The following TRAPPC11 variants were observed in gnomAD, a reference collection of about 807,000 sequenced individuals.
The protein encoded by TRAPPC11 is foie gras homolog.
A neutral mutation model predicts 151.2 loss-of-function variants in TRAPPC11; 104 were observed. The ratio of observed to expected loss-of-function variants is 0.69; its 90% CI spans 0.59 to 0.81. The LOEUF (loss-of-function observed/expected upper bound fraction) is 0.81. Ranked by LOEUF, TRAPPC11 falls within the 30% of genes least tolerant of loss-of-function variation. The probability of loss-of-function intolerance (pLI) is 0.00; values close to 1 mark genes in which losing one functional copy is unlikely to be tolerated. For synonymous variants in TRAPPC11, 456 were observed against 472.3 expected, an observed-to-expected ratio of 0.97 and a Z score of 0.45; for missense variants, 1,230 against 1,349.6, an observed-to-expected ratio of 0.91 and a Z score of 1.39.
chr4:183,671,863 G>A (rs1735173486), intron 5 of TRAPPC11, among the ~76,000 whole-genome samples: 1 of 152,204 alleles, frequency 6.6e-6, no homozygotes, highest in South Asian at 2.1e-4. Flanking sequence ...AAATATACAT[G>A]TGTTCTAATA....
At chr4:183,678,986 A>G (rs60017398) in intron 8 of TRAPPC11, among the ~76,000 whole-genome samples, 14,304 of 152,246 alleles carry the variant, frequency 0.094, 816 homozygotes, top group East Asian at 0.14. Flanking sequence ...TAGCTTTATG[A>G]CAAGTCTAAA....
chr4:183,682,687 A>T lies in TRAPPC11; in HGVS notation c.1114-45A>T, dbSNP rs549314324. On this transcript the variant is annotated intron_variant, in intron 10 of 29. Transcript: ENST00000334690. Reference sequence around the variant, plus strand: ...AAGGTTGGGCAAGAGTTGATTTGCGATGAGTTCCATAAACTATTATTTAGG... The same window carrying T: ...AAGGTTGGGCAAGAGTTGATTTGCGTTGAGTTCCATAAACTATTATTTAGG... The T allele has an allele frequency of 7.3e-6, 10 of 1,364,544 alleles. No individual in the cohort carries two copies. The Admixed American group carries it at 2.1e-4, about 28-fold the overall frequency. The allele number at this position is 1,364,544 out of a possible 1,614,324, so 84.5% of individuals were successfully genotyped here.
chr4:183,685,597 G>T (rs935409181), intron 17 of TRAPPC11, among the ~76,000 whole-genome samples, 194 bp downstream of exon 17: 4 of 152,082 alleles, frequency 2.6e-5, no homozygotes, highest in African/African-American at 9.7e-5. Context: ...CTTGACTTAT[G>T]TTTTAAAATA....
chr4:183,674,662 G>A (rs778364965), intron 5 of TRAPPC11, 51 bp from the exon 6 acceptor site: 1 of 1,042,594 alleles, frequency 9.6e-7, no homozygotes, highest in South Asian at 1.8e-5. Flanking sequence ...TGAAAAGTTT[G>A]GTTTAAAATA....
chr4:183,689,229 G>A (rs1413291876), intron 18 of TRAPPC11, among the ~76,000 whole-genome samples: 1 of 152,056 alleles, frequency 6.6e-6, no homozygotes, highest in Non-Finnish European at 1.5e-5. Context: ...GGATATAAGA[G>A]GCATTTAAAA....
rs111607180 is a variant in TRAPPC11, at chr4:183,665,246, C to T, written c.205-1011C>T. On this transcript the variant is annotated intron_variant, in intron 2 of 29. Transcript: ENST00000334690. ...AGTGGCTGGGACTACAGGCGCCCGC[C>T]ACCACGTCCAGCTAATTTTCTGTAT... Among the ~76,000 whole-genome samples the T allele has an allele frequency of 6.0e-3, 906 of 152,036 alleles. 5 individuals carry two copies. The highest frequency in any genetic ancestry group is 7.4e-3 in the East Asian group (38 of 5,164).
At chr4:183,666,509 C>A in intron 3 of TRAPPC11, 83 bp downstream of exon 3, 1 of 1,389,778 alleles carries the variant, frequency 7.2e-7, no homozygotes, top group South Asian at 1.4e-5. Flanking sequence ...AATGGAGTAC[C>A]GTTCAGACTG....
chr4:183,695,843 T>C (rs1035357040), intron 23 of TRAPPC11, among the ~76,000 whole-genome samples: 6 of 152,300 alleles, frequency 3.9e-5, no homozygotes, highest in Non-Finnish European at 7.3e-5. Context: ...TGTTGAAAAT[T>C]TCTCATAGCC....
At chr4:183,676,918 C>T (rs1431565439) in intron 7 of TRAPPC11, among the ~76,000 whole-genome samples, 4 of 152,132 alleles carry the variant, frequency 2.6e-5, no homozygotes, top group Admixed American at 6.6e-5. Flanking sequence ...GCTTGTGCTA[C>T]CACACCCGGC....
Position 183,663,895 on chromosome 4 carries a change from G to A in TRAPPC11, c.28G>A (p.Val10Met). The A allele has an allele frequency of 6.2e-7, 1 of 1,614,174 alleles. No individual in the cohort carries two copies. The highest frequency in any genetic ancestry group is 1.1e-5 in the South Asian group (1 of 91,092). Residue 10 changes from valine to methionine, a missense_variant, in exon 2 of 30, where the codon GTG becomes ATG. Coordinates refer to ENST00000334690, the MANE Select transcript of TRAPPC11 (RefSeq NM_021942.6). MSPTQWDFP[V>M]ELCCRPMAFV... ...GAGCCCCACACAGTGGGACTTCCCT[G>A]TGGAATTATGTTGCCGGCCTATGGC...
chr4:183,701,608 G>A, intron 25 of TRAPPC11, 89 bp from the exon 26 acceptor site: 1 of 874,330 alleles, frequency 1.1e-6, no homozygotes, highest in Non-Finnish European at 1.9e-6. Context: ...TGGGTGAGGT[G>A]TTCTTTCTTT....
rs1329122320 is a variant in TRAPPC11 at position 183,684,373 on chromosome 4, A to G, written c.1421+14A>G. Reference sequence around the variant, plus strand: ...CAAAGCTTTGAAGTGAGTCCTGTTCACTATTTACTTTTACAAGTATTTGGA... The same window carrying G: ...CAAAGCTTTGAAGTGAGTCCTGTTCGCTATTTACTTTTACAAGTATTTGGA... On this transcript the variant is annotated intron_variant, in intron 14 of 29. Coordinates refer to ENST00000334690, the MANE Select transcript of TRAPPC11 (RefSeq NM_021942.6). 6.2e-7 allele frequency: 1 copy of G among 1,606,524 alleles called. No individual in the cohort carries two copies. Among genetic ancestry groups the G allele is most frequent in the Non-Finnish European group, 8.5e-7 (1 of 1,174,066 alleles).
At chr4:183,666,512 T>TAC in intron 3 of TRAPPC11, 86 bp downstream of exon 3, 3 of 1,351,032 alleles carry the variant, frequency 2.2e-6, no homozygotes, top group East Asian at 2.4e-5. Flanking sequence ...GGAGTACCGT[T>TAC]CAGACTGCAG....
intron 8 of TRAPPC11, 150 bp downstream of exon 8, chr4:183,677,704 G>A: frequency 3.4e-6 from 2 of 592,120 alleles, no homozygotes; most frequent in Non-Finnish European, 6.0e-6. Context: ...TCTCAGAAGG[G>A]CATCGATTCT....
rs1176823176 is a variant in TRAPPC11 at position 183,659,454 on chromosome 4, C to G, written c.-22+7C>G. 6.5e-6 allele frequency: 1 copy of G among 154,440 alleles called. No individual in the cohort carries two copies. Among genetic ancestry groups the G allele is most frequent in the East Asian group, 1.9e-4 (1 of 5,302 alleles). 9.6% of individuals were successfully genotyped at this position (154,440 alleles called of 1,614,324 possible). A position where few individuals can be genotyped will look rare whatever the true frequency, so the allele number is the denominator to read the frequency against. On this transcript the variant is annotated splice_region_variant and intron_variant, in intron 1 of 29. Coordinates refer to ENST00000334690, the MANE Select transcript of TRAPPC11 (RefSeq NM_021942.6). ...CCCGGGGCGTGGGGCCTGGGTGAGT[C>G]CGGGCCCGGAGACCCGCGGGGCCAG... is the stretch of plus-strand genomic sequence containing the variant.
intron 5 of TRAPPC11, among the ~76,000 whole-genome samples, chr4:183,669,951 T>G (rs1735070637): frequency 6.6e-6 from 1 of 152,232 alleles, no homozygotes; most frequent in Non-Finnish European, 1.5e-5. Context: ...AAATAACTGA[T>G]GTAAAAACAA....
At chr4:183,679,254 T>G in intron 8 of TRAPPC11, 99 bp from the exon 9 acceptor site, 1 of 1,201,078 alleles carries the variant, frequency 8.3e-7, no homozygotes, top group Non-Finnish European at 1.1e-6. Flanking sequence ...GAAATTTCAT[T>G]GTCTTTTTCT....
rs114817281 is a variant in TRAPPC11 at position 183,698,107 on chromosome 4, T to C, written c.2851+272T>C. ...GAAAATGTACTTCACAAAAAGAATT[T>C]TTTTTTCATTTTTGAACTTTTTAAA... On this transcript the variant is annotated intron_variant, in intron 25 of 29. Coordinates refer to ENST00000334690, the MANE Select transcript of TRAPPC11 (RefSeq NM_021942.6). Among the ~76,000 whole-genome samples, 2,242 of 152,306 alleles carry C rather than the reference T, an allele frequency of 0.015. 50 individuals carry two copies. The highest frequency in any genetic ancestry group is 0.052 in the African/African-American group (2,146 of 41,558).
intron 3 of TRAPPC11, 106 bp downstream of exon 3, chr4:183,666,532 T>C: frequency 8.7e-7 from 1 of 1,147,336 alleles, no homozygotes; most frequent in Non-Finnish European, 1.2e-6. Context: ...GTGGTCACTT[T>C]GCGGATTGAC....
Sources: gnomAD v4.1 joint callset for allele counts (sites outside exome capture counted in the v4.1 genomes callset) on GRCh38, gnomAD v4.1.1 for gene constraint, MANE v1.5 for transcripts, NCBI Gene and HGNC (gene_info 2026-07-23, HGNC 2026-07-21) for gene names.